THSD4: variants seen among roughly 807,000 people sequenced by gnomAD.
THSD4 encodes the protein thrombospondin type 1 domain containing 4.
THSD4 carries 69 observed loss-of-function variants against 119.0 expected under a neutral mutation model. The observed-to-expected ratio is 0.58, with a 90% CI of 0.48 to 0.71. The LOEUF is 0.71. Among genes scored for constraint, THSD4 ranks in the 30% least tolerant of loss-of-function variants. THSD4 has a pLI of 0.00. For missense variants in THSD4, 1,393 were observed against 1,391.1 expected, an observed-to-expected ratio of 1.00 and a Z score of -0.02; for synonymous variants, 524 against 540.4, an observed-to-expected ratio of 0.97 and a Z score of 0.42.
chr15:71,671,148 A>T (rs540457971), intron 8 of THSD4, among the ~76,000 whole-genome samples: 1 of 152,282 alleles, frequency 6.6e-6, no homozygotes, highest in Non-Finnish European at 1.5e-5. Flanking sequence ...CAGCACCTGT[A>T]GTTCCTGACT....
chr15:71,426,995 G>A (rs1032252857), intron 7 of THSD4, among the ~76,000 whole-genome samples: 8 of 151,916 alleles, frequency 5.3e-5, no homozygotes, highest in East Asian at 1.9e-4. Flanking sequence ...GTAAACTTTC[G>A]GGGCACTTGA....
At chr15:71,650,701 T>C (rs1294367883) in intron 7 of THSD4, among the ~76,000 whole-genome samples, 1 of 152,162 alleles carries the variant, frequency 6.6e-6, no homozygotes, top group African/African-American at 2.4e-5. Context: ...ATAGCAGTAA[T>C]GTCAGACTAG....
chr15:71,594,360 C>T (rs548996726), intron 7 of THSD4, among the ~76,000 whole-genome samples: 12 of 152,106 alleles, frequency 7.9e-5, no homozygotes, highest in Non-Finnish European at 1.3e-4. Flanking sequence ...AGGCATTTGC[C>T]ACCACGACTG....
At chr15:71,169,818 C>A (rs2043336539) in intron 3 of THSD4, among the ~76,000 whole-genome samples, 1 of 152,086 alleles carries the variant, frequency 6.6e-6, no homozygotes, top group Non-Finnish European at 1.5e-5. Context: ...GGTCTTGGTG[C>A]AGGGAGGGGT....
chr15:71,255,226 CACACACACACACAA>C (rs923187402), intron 5 of THSD4, among the ~76,000 whole-genome samples: 4 of 151,656 alleles, frequency 2.6e-5, no homozygotes, highest in Admixed American at 2.0e-4. Context: ...TGATTATTCA[CACACACACACACAA>C]ACACACACAC....
intron 6 of THSD4, among the ~76,000 whole-genome samples, chr15:71,322,814 G>A (rs1391187554): frequency 6.6e-6 from 1 of 152,152 alleles, no homozygotes; most frequent in Admixed American, 6.5e-5. Flanking sequence ...AGGCCAGGTG[G>A]TGGCCAGGCA....
At chr15:71,260,595 A>G (rs2044381570) in intron 6 of THSD4, among the ~76,000 whole-genome samples, 1 of 152,196 alleles carries the variant, frequency 6.6e-6, no homozygotes, top group Non-Finnish European at 1.5e-5. Context: ...GGGAAATGCA[A>G]GAGGTGGCCT....
chr15:71,569,570 G>A (rs778318711), intron 7 of THSD4, among the ~76,000 whole-genome samples: 18 of 152,190 alleles, frequency 1.2e-4, no homozygotes, highest in Non-Finnish European at 2.2e-4. Context: ...GAAAAAATAG[G>A]ACATGAGTAA....
chr15:71,300,721 T>G (rs1041594274), intron 6 of THSD4, among the ~76,000 whole-genome samples: 26 of 152,204 alleles, frequency 1.7e-4, no homozygotes, highest in Non-Finnish European at 3.5e-4. Flanking sequence ...GTTTAAACTC[T>G]CAGTGAAATG....
intron 6 of THSD4, among the ~76,000 whole-genome samples, chr15:71,375,262 C>G (rs774262083): frequency 6.6e-6 from 1 of 152,142 alleles, no homozygotes; most frequent in East Asian, 1.9e-4. Flanking sequence ...CATATGTGTG[C>G]GAAAGGGAAA....
At chr15:71,556,053 C>A (rs977972898) in intron 7 of THSD4, among the ~76,000 whole-genome samples, 19 of 152,112 alleles carry the variant, frequency 1.2e-4, no homozygotes, top group Admixed American at 7.2e-4. Flanking sequence ...TTACTATGGC[C>A]TTATAATAAT....
intron 7 of THSD4, among the ~76,000 whole-genome samples, chr15:71,514,609 G>A (rs1189225648): frequency 2.6e-5 from 4 of 151,878 alleles, no homozygotes; most frequent in South Asian, 2.1e-4. Flanking sequence ...TGTTTTATTC[G>A]TAAGATCTTT....
intron 7 of THSD4, among the ~76,000 whole-genome samples, chr15:71,532,019 C>G (rs2048616500): frequency 1.3e-5 from 2 of 152,146 alleles, no homozygotes; most frequent in South Asian, 4.1e-4. Flanking sequence ...CGTACTTTCT[C>G]CAAGTCCTCA....
intron 6 of THSD4, among the ~76,000 whole-genome samples, chr15:71,313,981 A>G (rs1004211964): frequency 3.9e-5 from 6 of 152,174 alleles, no homozygotes; most frequent in African/African-American, 1.4e-4. Context: ...ACGGATGATG[A>G]GGCATAGGAA....
intron 7 of THSD4, among the ~76,000 whole-genome samples, chr15:71,463,689 C>G (rs550395545): frequency 6.6e-5 from 10 of 152,106 alleles, no homozygotes; most frequent in African/African-American, 2.2e-4. Flanking sequence ...ATCTATTGAC[C>G]GACCTCTTGT....
intron 11 of THSD4, among the ~76,000 whole-genome samples, chr15:71,738,759 G>A (rs902221371): frequency 1.1e-4 from 16 of 152,040 alleles, no homozygotes; most frequent in Admixed American, 2.6e-4. Flanking sequence ...GGGGTCTCTC[G>A]TCTAGGTATG....
chr15:71,123,484 G>A (rs2040425388), intron 1 of THSD4, among the ~76,000 whole-genome samples: 1 of 152,232 alleles, frequency 6.6e-6, no homozygotes, highest in Non-Finnish European at 1.5e-5. Flanking sequence ...TACAATGCAT[G>A]AAGGGCCAAC....
At chr15:71,776,765 A>G (rs948370760) in intron 17 of THSD4, among the ~76,000 whole-genome samples, 1 of 152,274 alleles carries the variant, frequency 6.6e-6, no homozygotes, top group Non-Finnish European at 1.5e-5. Context: ...TATATACACA[A>G]GAAAATTCAA....
At position 71,519,816 on chromosome 15, in the gene THSD4, G is replaced by C. The variant is rs147846085; in HGVS notation, c.1152+107993G>C. 2.3e-4 allele frequency among the ~76,000 whole-genome samples: 35 copies of C among 152,306 alleles called. No individual in the cohort carries two copies. In the East Asian group the frequency reaches 5.4e-3, roughly 23 times the overall value. ...GGATAGTGCTTTGGAAACAGCAAAG[G>C]GGGAGAGTGGGCAAGAAATGACTGT... is the stretch of plus-strand genomic sequence containing the variant. On this transcript the variant is annotated intron_variant, in intron 7 of 17. Coordinates refer to ENST00000261862, the MANE Select transcript of THSD4 (RefSeq NM_024817.3).
Sources: gnomAD v4.1 joint callset for allele counts (sites outside exome capture counted in the v4.1 genomes callset) on GRCh38, gnomAD v4.1.1 for gene constraint, MANE v1.5 for transcripts, NCBI Gene and HGNC (gene_info 2026-07-23, HGNC 2026-07-21) for gene names.